Variants in AVEN observed in about 807,000 individuals in gnomAD.
The protein encoded by AVEN is apoptosis and caspase activation inhibitor, also known as cell death regulator Aven.
In AVEN, 41 loss-of-function variants were observed where a neutral mutation model predicts 38.1. The ratio of observed to expected loss-of-function variants is 1.08; its 90% CI spans 0.84 to 1.40. The LOEUF (loss-of-function observed/expected upper bound fraction) is 1.40, where lower values mean the gene tolerates loss of function less well. Ranked by LOEUF, AVEN falls within the 40% of genes most tolerant of loss-of-function variation. The pLI is 0.00. For missense variants in AVEN, 605 were observed against 438.8 expected, an observed-to-expected ratio of 1.38 and a Z score of -3.38; for synonymous variants, 206 against 171.8, an observed-to-expected ratio of 1.20 and a Z score of -1.56.
At chr15:34,047,116 C>T (rs1278908152) in intron 5 of AVEN, among the ~76,000 whole-genome samples, 1 of 149,676 alleles carries the variant, frequency 6.7e-6, no homozygotes, top group African/African-American at 2.5e-5. Flanking sequence ...CTCGTTCTGT[C>T]GCCCAGGCTG....
chr15:33,919,339 A>ATGT (rs1365916850), intron 2 of AVEN, among the ~76,000 whole-genome samples: 4 of 152,240 alleles, frequency 2.6e-5, no homozygotes, highest in Non-Finnish European at 5.9e-5. Flanking sequence ...GATAACAGTG[A>ATGT]TGTTATACAG....
intron 2 of AVEN, among the ~76,000 whole-genome samples, chr15:33,939,772 C>A (rs559077339): frequency 7.8e-4 from 118 of 152,220 alleles, no homozygotes; most frequent in African/African-American, 2.7e-3. Context: ...AACACTACCC[C>A]CTAATGTAAT....
Position 33,859,244 on chromosome 15 carries a change from CTTAAAATTAAA to C in AVEN, n.2730-161_2730-151del, listed in dbSNP as rs757987166. ...ACAGCCTGAAGGCCAGGCTAACACT[CTTAAAATTAAA>C]TGAGGAAAAATTATTATATGGCATA... On this transcript the variant is annotated intron_variant and non_coding_transcript_variant, in intron 11 of 11. Coordinates refer to the AVEN transcript ENST00000675287. The C allele has an allele frequency of 3.5e-5, 9 of 254,588 alleles. No individual in the cohort carries two copies. In the East Asian group the frequency reaches 3.9e-4, roughly 11 times the overall value. 15.8% of individuals were successfully genotyped at this position (254,588 alleles called of 1,614,324 possible). A position where few individuals can be genotyped will look rare whatever the true frequency, so the allele number is the denominator to read the frequency against.
intron 2 of AVEN, among the ~76,000 whole-genome samples, chr15:33,956,426 C>G (rs898181951): frequency 4.6e-5 from 7 of 152,216 alleles, no homozygotes; most frequent in African/African-American, 1.4e-4. Flanking sequence ...ATTTGCATCT[C>G]TCCTATGAGT....
downstream of AVEN, chr15:33,865,409 C>CACTGTGGGAGAGAACCTGT (rs1890172471): frequency 8.8e-6 from 5 of 569,074 alleles, no homozygotes; most frequent in Non-Finnish European, 1.6e-5. Context: ...AATGGACATA[C>CACTGTGGGAGAGAACCTGT]ACTGTGGGAG....
At chr15:33,895,356 C>G (rs1157161844) in intron 2 of AVEN, among the ~76,000 whole-genome samples, 2 of 151,268 alleles carry the variant, frequency 1.3e-5, no homozygotes, top group Admixed American at 6.6e-5. Context: ...GACAGGGCCC[C>G]ACTCTATTAC....
chr15:34,062,485 G>T (rs1188040989), intron 5 of AVEN, among the ~76,000 whole-genome samples: 1 of 151,248 alleles, frequency 6.6e-6, no homozygotes, highest in African/African-American at 2.4e-5. Context: ...AACCCGGGAG[G>T]CGGAGCTTGT....
chr15:33,859,283 C>G (rs886498761), intron 11 of AVEN, among the ~76,000 whole-genome samples: 3 of 152,212 alleles, frequency 2.0e-5, no homozygotes, highest in African/African-American at 7.2e-5. Flanking sequence ...ATGGCATAGG[C>G]CATACTCATC....
At position 33,998,205 on chromosome 15, in the gene AVEN, C is replaced by G. The variant is rs75515981; in HGVS notation, c.445+4827G>C. On this transcript the variant is annotated intron_variant, in intron 2 of 5. Coordinates refer to ENST00000306730, the MANE Select transcript of AVEN (RefSeq NM_020371.3). The stretch of plus-strand genomic sequence containing the variant: ...CCATCCCTCCACCTGCACAATAGAT[C>G]CTATCAAGCTCATATCTACTAAAGA... Among the ~76,000 whole-genome samples, 962 of 152,298 alleles carry G rather than the reference C, an allele frequency of 6.3e-3. 4 individuals are homozygous for G. The highest frequency in any genetic ancestry group is 9.6e-3 in the Non-Finnish European group (655 of 68,022).
At chr15:33,925,484 T>G (rs1893575042) in intron 2 of AVEN, among the ~76,000 whole-genome samples, 1 of 152,218 alleles carries the variant, frequency 6.6e-6, no homozygotes, top group Admixed American at 6.5e-5. Flanking sequence ...ATAGTTTCCC[T>G]GGTGCTCCAG....
intron 1 of AVEN, among the ~76,000 whole-genome samples, chr15:34,006,601 TG>T (rs1211425648): frequency 3.9e-5 from 6 of 152,114 alleles, no homozygotes; most frequent in African/African-American, 1.4e-4. Flanking sequence ...AGCACTGAAA[TG>T]GAAAGTGGGA....
intron 2 of AVEN, among the ~76,000 whole-genome samples, chr15:33,968,098 T>TAAAAAAAA (rs1895462257): frequency 3.0e-4 from 1 of 3,358 alleles, no homozygotes. Context: ...CTAGCAAAGC[T>TAAAAAAAA]TAAAAAAAAA....
intron 2 of AVEN, among the ~76,000 whole-genome samples, chr15:33,894,483 A>C (rs618574): frequency 0.82 from 120,749 of 146,732 alleles, 53,576 homozygotes; most frequent in Non-Finnish European, 0.98. Context: ...GTAGAAGAAC[A>C]CAGGCAGTTG....
chr15:33,995,876 G>A (rs930145464), intron 2 of AVEN, among the ~76,000 whole-genome samples: 1 of 152,220 alleles, frequency 6.6e-6, no homozygotes, highest in Non-Finnish European at 1.5e-5. Context: ...GCGGGGCGGG[G>A]CGCTGCCTCA....
At chr15:34,037,247 T>A (rs1899185833) in intron 1 of AVEN, among the ~76,000 whole-genome samples, 1 of 152,082 alleles carries the variant, frequency 6.6e-6, no homozygotes, top group Admixed American at 6.6e-5. Context: ...ACACCATAGT[T>A]AACACCAAAT....
intron 2 of AVEN, among the ~76,000 whole-genome samples, chr15:33,984,670 C>T (rs1283312860): frequency 6.6e-6 from 1 of 152,072 alleles, no homozygotes; most frequent in Non-Finnish European, 1.5e-5. Flanking sequence ...CCAAAGTGCT[C>T]GGATTACAGG....
intron 2 of AVEN, among the ~76,000 whole-genome samples, chr15:33,988,081 C>T (rs1204344935): frequency 6.6e-6 from 1 of 152,250 alleles, no homozygotes; most frequent in East Asian, 1.9e-4. Flanking sequence ...AGCTCCCAAG[C>T]CTTGGGGCTT....
exon 1 of AVEN, among the ~76,000 whole-genome samples, chr15:34,074,995 G>A (rs1349903359): frequency 2.6e-5 from 4 of 151,824 alleles, no homozygotes; most frequent in Admixed American, 1.3e-4. Flanking sequence ...TGGCTAACAC[G>A]GTGAAACCTT....
Position 34,063,835 on chromosome 15 carries a change from G to A in AVEN, n.1127-403C>T, listed in dbSNP as rs1567494809. 1.1e-5 allele frequency: 17 copies of A among 1,614,166 alleles called. No individual in the cohort carries two copies. The highest frequency in any genetic ancestry group is 1.4e-5 in the Non-Finnish European group (17 of 1,180,038). On this transcript the variant is annotated intron_variant and non_coding_transcript_variant, in intron 4 of 11. Transcript: ENST00000675287. The surrounding 1 kb of genome is among the most constrained non-coding windows in gnomAD (Gnocchi z 4.1). ...CCAGCAGCTGCTCATAGACCCAAGAGTCAGAAATGTGTGGCCTATAAGTTC... is the reference window on the plus strand; with the variant it reads ...CCAGCAGCTGCTCATAGACCCAAGAATCAGAAATGTGTGGCCTATAAGTTC...
Sources: gnomAD v4.1 joint callset for allele counts (sites outside exome capture counted in the v4.1 genomes callset) on GRCh38, gnomAD v4.1.1 for gene constraint, Gnocchi (gnomAD v3.1) non-coding constraint, MANE v1.5 for transcripts, NCBI Gene and HGNC (gene_info 2026-07-23, HGNC 2026-07-21) for gene names.